Variants in DLGAP4 observed in about 807,000 individuals in gnomAD.
DLGAP4 encodes the protein disks large-associated protein 4.
DLGAP4 carries 18 observed loss-of-function variants against 86.9 expected under a neutral mutation model. The observed-to-expected ratio is 0.21, with a 90% CI of 0.14 to 0.31. DLGAP4 has a LOEUF of 0.31. Ranked by LOEUF, DLGAP4 falls within the 10% of genes least tolerant of loss-of-function variation. DLGAP4 has a pLI of 1.00. For synonymous variants in DLGAP4, 548 were observed against 574.3 expected (o/e 0.95, Z 0.65); for missense variants, 1,085 against 1,362.6 (o/e 0.80, Z 3.21).
intron 2 of DLGAP4, among the ~76,000 whole-genome samples, chr20:36,409,283 C>T (rs2032416479): frequency 1.3e-5 from 2 of 151,984 alleles, no homozygotes; most frequent in South Asian, 4.2e-4. Flanking sequence ...AACTCCTGGC[C>T]TCAGCCTCCC....
intron 7 of DLGAP4, among the ~76,000 whole-genome samples, chr20:36,450,011 G>A (rs1240922848): frequency 6.6e-6 from 1 of 152,242 alleles, no homozygotes; most frequent in Non-Finnish European, 1.5e-5. Context: ...GATGGCAGAA[G>A]ACAGAAGAGC....
intron 7 of DLGAP4, among the ~76,000 whole-genome samples, chr20:36,452,831 T>C (rs1167791592): frequency 7.1e-6 from 1 of 140,450 alleles, no homozygotes; most frequent in African/African-American, 2.7e-5. Context: ...TAAGTCTTTT[T>C]TTTTTTTTTT....
rs2147766004 is a variant in DLGAP4 at position 36,496,917 on chromosome 20, G to A, written c.1861G>A (p.Val621Met). 1 of 1,614,182 alleles carries A rather than the reference G, an allele frequency of 6.2e-7. No homozygotes were observed. Among genetic ancestry groups the A allele is most frequent in the Non-Finnish European group, 8.5e-7 (1 of 1,180,036 alleles). The change falls in exon 8 of 13, where the codon GTG becomes ATG. Residue 621 changes from valine to methionine, a missense_variant. Coordinates refer to ENST00000339266, the MANE Select transcript of DLGAP4 (RefSeq NM_001365621.2). ...GGACAGCAGTACCCGACCGCCCAGC[G>A]TGACACGGGGTGGAGTCGCCCCAGC... is the stretch of plus-strand genomic sequence containing the variant. ...SLDSSTRPPSVTRGGVAPAPE... is the reference protein window; with the variant it reads ...SLDSSTRPPSMTRGGVAPAPE...
chr20:36,379,330 T>C (rs1156429565), intron 2 of DLGAP4, among the ~76,000 whole-genome samples: 1 of 152,114 alleles, frequency 6.6e-6, no homozygotes, highest in Non-Finnish European at 1.5e-5. Context: ...CGGGATCCTG[T>C]CAGGGGGAAG....
chr20:36,365,536 G>GGT (rs1394998385), intron 1 of DLGAP4, among the ~76,000 whole-genome samples: 1 of 152,192 alleles, frequency 6.6e-6, no homozygotes, highest in Non-Finnish European at 1.5e-5. Context: ...GCATCGTCCT[G>GGT]GAGTCAGGTG....
intron 7 of DLGAP4, chr20:36,462,358 T>C: frequency 7.3e-7 from 1 of 1,378,558 alleles, no homozygotes; most frequent in Non-Finnish European, 9.3e-7. Context: ...CCTGCCCCTC[T>C]GTGCCCCCAC....
intron 1 of DLGAP4, among the ~76,000 whole-genome samples, chr20:36,360,694 G>A (rs2030487890): frequency 6.6e-6 from 1 of 151,954 alleles, no homozygotes; most frequent in Non-Finnish European, 1.5e-5. Context: ...TGGAAGAGTG[G>A]GTGGGTGGCA....
Position 36,352,070 on chromosome 20 carries a change from G to A in DLGAP4, c.-303-14975G>A, listed in dbSNP as rs552729113. ...CAGCTACAGAAGCTCAGGGGAATGA[G>A]GGAGGGAGAGAACCCCGGGTGATCC... On this transcript the variant is annotated intron_variant, in intron 1 of 12. Coordinates refer to ENST00000339266, the MANE Select transcript of DLGAP4 (RefSeq NM_001365621.2). Among the ~76,000 whole-genome samples, 6 of 152,308 alleles carry A rather than the reference G, an allele frequency of 3.9e-5. No individual in the cohort carries two copies. The South Asian group carries it at 1.0e-3, about 26-fold the overall frequency.
In DLGAP4 at chr20:36,500,401, A is replaced by G; in HGVS notation, c.2302A>G (p.Ser768Gly). The change falls in exon 10 of 13, where the codon AGC (serine) becomes GGC (glycine). Residue 768 changes from serine to glycine, a missense_variant. Physicochemically the swap from Ser to Gly is moderately conservative, Grantham distance 56. Transcript: ENST00000339266. The surrounding 1 kb of genome is among the most constrained non-coding windows in gnomAD (Gnocchi z 4.6). ...IKRNLSYGDNSDPALEASSLP... is the reference protein window; with the variant it reads ...IKRNLSYGDNGDPALEASSLP... The stretch of plus-strand genomic sequence containing the variant: ...GCGCAACCTCTCCTATGGAGACAAC[A>G]GCGACCCTGCCCTAGAGGCGTCCTC... The G allele has an allele frequency of 6.3e-7, 1 of 1,595,744 alleles. No individual in the cohort carries two copies. The highest frequency in any genetic ancestry group is 8.5e-7 in the Non-Finnish European group (1 of 1,170,582).
intron 1 of DLGAP4, among the ~76,000 whole-genome samples, chr20:36,330,239 G>A (rs1555891394): frequency 6.6e-6 from 1 of 152,148 alleles, no homozygotes; most frequent in African/African-American, 2.4e-5. Context: ...AGCCTGATGG[G>A]CCAGGCCAGA....
chr20:36,401,498 C>T (rs2032159621), intron 2 of DLGAP4, among the ~76,000 whole-genome samples: 4 of 152,214 alleles, frequency 2.6e-5, no homozygotes, highest in Admixed American at 2.6e-4. Flanking sequence ...GTGTCCTCAC[C>T]TGCGGAATGG....
At chr20:36,438,828 C>T (rs1266078824) in intron 4 of DLGAP4, among the ~76,000 whole-genome samples, 1 of 151,612 alleles carries the variant, frequency 6.6e-6, no homozygotes, top group Non-Finnish European at 1.5e-5. Flanking sequence ...CCTGCCTCAG[C>T]CTCCCGAGTA....
In DLGAP4 at chr20:36,343,253, G is replaced by A. The variant is rs148398599; in HGVS notation, c.-303-23792G>A. On this transcript the variant is annotated intron_variant, in intron 1 of 12. Coordinates refer to ENST00000339266, the MANE Select transcript of DLGAP4 (RefSeq NM_001365621.2). Reference sequence around the variant, plus strand: ...AGACGGCTGCAGACATCGTGGCAACGAACAGCTGTGGCTTGGACCCAGGGT... The same window carrying A: ...AGACGGCTGCAGACATCGTGGCAACAAACAGCTGTGGCTTGGACCCAGGGT... 2.1e-3 allele frequency among the ~76,000 whole-genome samples: 320 copies of A among 152,300 alleles called. 2 individuals are homozygous for A. The highest frequency in any genetic ancestry group is 7.4e-3 in the African/African-American group (307 of 41,556).
intron 9 of DLGAP4, 136 bp downstream of exon 9, chr20:36,499,812 G>A: frequency 2.1e-6 from 1 of 480,014 alleles, no homozygotes; most frequent in Non-Finnish European, 3.8e-6. Flanking sequence ...GCGGGTGGTG[G>A]CCCAGGCATG....
intron 7 of DLGAP4, among the ~76,000 whole-genome samples, chr20:36,478,539 A>G (rs1339520931): frequency 6.6e-6 from 1 of 152,174 alleles, no homozygotes; most frequent in South Asian, 2.1e-4. Flanking sequence ...TTTTCTCCAG[A>G]TGTTTCTTGG....
intron 2 of DLGAP4, among the ~76,000 whole-genome samples, chr20:36,400,898 C>A (rs1404856438): frequency 1.3e-5 from 2 of 152,034 alleles, no homozygotes; most frequent in Non-Finnish European, 2.9e-5. Flanking sequence ...CAGCTGTCAC[C>A]GGGCGCTGGG....
At chr20:36,520,993 C>G (rs900169286) in intron 10 of DLGAP4, among the ~76,000 whole-genome samples, 1 of 152,240 alleles carries the variant, frequency 6.6e-6, no homozygotes, top group South Asian at 2.1e-4. Context: ...CCACCAAGCC[C>G]GGCTAATTTT....
chr20:36,441,624 A>G (rs1345852137), intron 5 of DLGAP4, among the ~76,000 whole-genome samples: 1 of 152,172 alleles, frequency 6.6e-6, no homozygotes. Flanking sequence ...TGCCTGGCAC[A>G]GGGCAGATGC....
intron 2 of DLGAP4, among the ~76,000 whole-genome samples, chr20:36,396,170 C>T (rs1359819258): frequency 1.3e-5 from 2 of 151,980 alleles, no homozygotes; most frequent in African/African-American, 4.8e-5. Flanking sequence ...AGGTTGACAT[C>T]CTCCTACTGG....
Sources: gnomAD v4.1 joint callset for allele counts (sites outside exome capture counted in the v4.1 genomes callset) on GRCh38, gnomAD v4.1.1 for gene constraint, Gnocchi (gnomAD v3.1) non-coding constraint, MANE v1.5 for transcripts, NCBI Gene and HGNC (gene_info 2026-07-23, HGNC 2026-07-21) for gene names.